Variants in ZBTB46 observed in about 807,000 individuals in gnomAD.
ZBTB46 encodes the protein zinc finger and BTB domain-containing protein 46.
ZBTB46 carries 8 observed loss-of-function variants against 44.1 expected under a neutral mutation model. That is an observed-to-expected ratio of 0.18 (90% CI 0.11 to 0.33). The LOEUF is 0.33. ZBTB46 is among the 10% of genes least tolerant of loss of function. The pLI, the probability that ZBTB46 is intolerant of heterozygous loss-of-function variation, is 1.00. For missense variants in ZBTB46, 651 were observed against 847.7 expected, an observed-to-expected ratio of 0.77 and a Z score of 2.88; for synonymous variants, 409 against 382.3, an observed-to-expected ratio of 1.07 and a Z score of -0.81.
rs1039241601 is a variant in ZBTB46 at position 63,806,671 on chromosome 20, C to T, written c.-33-15881G>A. Among the ~76,000 whole-genome samples the T allele has an allele frequency of 3.9e-5, 6 of 152,144 alleles. No individual in the cohort carries two copies. In the South Asian group the frequency reaches 8.3e-4, roughly 21 times the overall value. Reference sequence around the variant, plus strand: ...TCACCCAGGCTGGAGTGCAACGGTGCGACCTTGGCTCACTAAAACCTCCAC... The same window carrying T: ...TCACCCAGGCTGGAGTGCAACGGTGTGACCTTGGCTCACTAAAACCTCCAC... On this transcript the variant is annotated intron_variant, in intron 1 of 4. Transcript: ENST00000245663.
intron 1 of ZBTB46, among the ~76,000 whole-genome samples, chr20:63,809,458 A>G (rs2146024813): frequency 6.6e-6 from 1 of 152,326 alleles, no homozygotes; most frequent in Non-Finnish European, 1.5e-5. Flanking sequence ...AGAAGACAGC[A>G]GCGCCCTCAC....
intron 4 of ZBTB46, among the ~76,000 whole-genome samples, chr20:63,751,752 C>CA (rs532430384): frequency 3.8e-5 from 3 of 78,306 alleles, no homozygotes; most frequent in African/African-American, 1.3e-4. Context: ...CGGTGGGTCT[C>CA]CCATGAAGCC....
chr20:63,771,941 G>A (rs1601431362), intron 3 of ZBTB46, among the ~76,000 whole-genome samples: 2 of 151,978 alleles, frequency 1.3e-5, no homozygotes, highest in Non-Finnish European at 2.9e-5. Flanking sequence ...TTCACAGCCC[G>A]ACAGGCGAAG....
chr20:63,826,651 G>C (rs1253577394), intron 1 of ZBTB46, among the ~76,000 whole-genome samples: 2 of 152,198 alleles, frequency 1.3e-5, no homozygotes, highest in East Asian at 1.9e-4. Context: ...GGTGAACCCG[G>C]AAGGTGGAGC....
At chr20:63,749,332 G>GTGTTT (rs34313114) in intron 4 of ZBTB46, among the ~76,000 whole-genome samples, 1 of 151,536 alleles carries the variant, frequency 6.6e-6, no homozygotes, top group Non-Finnish European at 1.5e-5. Context: ...TTGTTTTGCT[G>GTGTTT]TATTTTATTT....
rs531436224 is a variant in ZBTB46 at position 63,795,226 on chromosome 20, C to T, written c.-33-4436G>A. On this transcript the variant is annotated intron_variant, in intron 1 of 4. Transcript: ENST00000245663. ...CCTTCAAACAGAATCGCTTATGAAA[C>T]GGGCATCAGCATAACCACTCTGGTG... Among the ~76,000 whole-genome samples, 4 of 152,338 alleles carry T rather than the reference C, an allele frequency of 2.6e-5. No homozygotes were observed. In the South Asian group the frequency reaches 8.3e-4, roughly 32 times the overall value.
At chr20:63,777,168 G>T (rs903794009) in intron 2 of ZBTB46, among the ~76,000 whole-genome samples, 1 of 151,656 alleles carries the variant, frequency 6.6e-6, no homozygotes, top group African/African-American at 2.4e-5. Flanking sequence ...CACACCCACT[G>T]GGATGGCTGG....
At chr20:63,748,245 G>A (rs2092124060) in intron 4 of ZBTB46, among the ~76,000 whole-genome samples, 4 of 152,246 alleles carry the variant, frequency 2.6e-5, no homozygotes, top group Admixed American at 2.6e-4. Context: ...GCCCTGTGCT[G>A]GGCCCGGCAG....
At chr20:63,762,727 A>G (rs1254963524) in intron 3 of ZBTB46, among the ~76,000 whole-genome samples, 1 of 152,146 alleles carries the variant, frequency 6.6e-6, no homozygotes, top group Non-Finnish European at 1.5e-5. Context: ...TAGGATTGTT[A>G]TATTTACTAC....
chr20:63,832,293 G>A (rs1437663974), upstream of ZBTB46, among the ~76,000 whole-genome samples: 1 of 152,126 alleles, frequency 6.6e-6, no homozygotes, highest in Admixed American at 6.5e-5. The surrounding 1 kb of genome is among the most constrained non-coding windows in gnomAD (Gnocchi z 5.0). Context: ...GCCTGCGCAG[G>A]GGTAAAGGCC....
At chr20:63,796,883 T>C (rs1279336749) in intron 1 of ZBTB46, among the ~76,000 whole-genome samples, 1 of 151,498 alleles carries the variant, frequency 6.6e-6, no homozygotes, top group East Asian at 1.9e-4. Flanking sequence ...AAATGTAATC[T>C]AACAGGCCAG....
chr20:63,819,353 G>A (rs541268986), intron 1 of ZBTB46, among the ~76,000 whole-genome samples: 45 of 152,206 alleles, frequency 3.0e-4, no homozygotes, highest in East Asian at 1.9e-4. Context: ...CTCCAGGAGC[G>A]CATCCCGAAG....
chr20:63,778,456 C>G (rs1272998173), intron 2 of ZBTB46, among the ~76,000 whole-genome samples: 1 of 152,186 alleles, frequency 6.6e-6, no homozygotes, highest in Non-Finnish European at 1.5e-5. Flanking sequence ...ACCACAGAAA[C>G]ACAGGGGCAT....
chr20:63,752,543 A>C lies in ZBTB46; in HGVS notation c.1398+143T>G. The stretch of plus-strand genomic sequence containing the variant: ...CAGAGCAGACAGGGGCCCGGGGCGG[A>C]TCTCCCTGCCCTGCTGTCGTCCCCC... On this transcript the variant is annotated intron_variant, in intron 4 of 4. Coordinates refer to ENST00000245663, the MANE Select transcript of ZBTB46 (RefSeq NM_001369741.1). This position sits in a 1 kb window ranked among gnomAD's most constrained non-coding sequence, Gnocchi z 5.6. The C allele has an allele frequency of 9.6e-7, 1 of 1,037,854 alleles. No individual in the cohort carries two copies. Among genetic ancestry groups the C allele is most frequent in the Non-Finnish European group, 1.3e-6 (1 of 781,036 alleles). The allele number at this position is 1,037,854 out of a possible 1,614,324, so 64.3% of individuals were successfully genotyped here.
In ZBTB46 at chr20:63,803,703, G is replaced by A. The variant is rs1026200427; in HGVS notation, c.-33-12913C>T. Among the ~76,000 whole-genome samples, 3 of 151,936 alleles carry A rather than the reference G, an allele frequency of 2.0e-5. No individual in the cohort carries two copies. Among genetic ancestry groups the A allele is most frequent in the African/African-American group, 4.8e-5 (2 of 41,372 alleles). On this transcript the variant is annotated intron_variant, in intron 1 of 4. Transcript: ENST00000245663. This position sits in a 1 kb window ranked among gnomAD's most constrained non-coding sequence, Gnocchi z 4.0. The stretch of plus-strand genomic sequence containing the variant: ...CTCCGCCTTCCCGAACCTGGCTACC[G>A]TCACTTCCTTCTTTTTGTTTTTGTA...
rs571444346 is a variant in ZBTB46, at chr20:63,819,993, T to C, written c.-34+11104A>G. Reference sequence around the variant, plus strand: ...ATATATCACCGTAGGCAGCGAAACATAACCATTTCCTCAGGCAAAAACATG... The same window carrying C: ...ATATATCACCGTAGGCAGCGAAACACAACCATTTCCTCAGGCAAAAACATG... On this transcript the variant is annotated intron_variant, in intron 1 of 4. Transcript: ENST00000245663. Among the ~76,000 whole-genome samples the C allele has an allele frequency of 3.3e-5, 5 of 152,274 alleles. No homozygotes were observed. In the East Asian group the frequency reaches 7.7e-4, roughly 23 times the overall value.
chr20:63,800,596 G>A (rs192227618), intron 1 of ZBTB46, among the ~76,000 whole-genome samples: 18 of 152,236 alleles, frequency 1.2e-4, no homozygotes, highest in African/African-American at 4.1e-4. Flanking sequence ...GGCTGCGTGC[G>A]GCGCTTGCGG....
intron 2 of ZBTB46, among the ~76,000 whole-genome samples, chr20:63,783,209 C>T (rs1238037440): frequency 6.6e-6 from 1 of 152,010 alleles, no homozygotes; most frequent in East Asian, 1.9e-4. Context: ...GTGGGTGGAT[C>T]ACAAGTTCAA....
chr20:63,774,701 T>G (rs1159196925), intron 3 of ZBTB46, among the ~76,000 whole-genome samples: 3 of 143,612 alleles, frequency 2.1e-5, no homozygotes, highest in East Asian at 4.1e-4. Flanking sequence ...TTTTTTTGTT[T>G]TTTTTTTTGT....
Sources: allele counts gnomAD v4.1 joint callset (sites outside exome capture counted in the v4.1 genomes callset), GRCh38; gene constraint gnomAD v4.1.1; non-coding constraint Gnocchi (gnomAD v3.1); transcripts MANE v1.5; gene names NCBI Gene and HGNC (gene_info 2026-07-23, HGNC 2026-07-21).